Variants in B3GALT5 observed in about 807,000 individuals in gnomAD.
The protein encoded by B3GALT5 is beta-1,3-galactosyltransferase 5.
For synonymous variants in B3GALT5, 156 were observed against 158.6 expected, an observed-to-expected ratio of 0.98 and a Z score of 0.12; for missense variants, 328 against 396.6, an observed-to-expected ratio of 0.83 and a Z score of 1.47.
intron 1 of B3GALT5, among the ~76,000 whole-genome samples, chr21:39,628,611 T>C (rs1377575639): frequency 6.6e-6 from 1 of 152,238 alleles, no homozygotes; most frequent in Non-Finnish European, 1.5e-5. Context: ...TACACAACCA[T>C]GTCAGTGCTG....
At chr21:39,655,923 T>C (rs1031870885) in intron 2 of B3GALT5, among the ~76,000 whole-genome samples, 9 of 152,190 alleles carry the variant, frequency 5.9e-5, no homozygotes, top group African/African-American at 2.2e-4. Context: ...TTTCAGTCTG[T>C]ACAACGAATC....
intron 1 of B3GALT5, among the ~76,000 whole-genome samples, chr21:39,627,305 G>A (rs931275219): frequency 6.6e-6 from 1 of 152,172 alleles, no homozygotes; most frequent in South Asian, 2.1e-4. Flanking sequence ...TGCAGACTTT[G>A]GGGTGCATCA....
chr21:39,647,492 C>T (rs1189956187), intron 2 of B3GALT5, among the ~76,000 whole-genome samples: 1 of 152,044 alleles, frequency 6.6e-6, no homozygotes, highest in African/African-American at 2.4e-5. Flanking sequence ...GTGTGTGCCA[C>T]CATGCCCGGG....
rs1321657461 is a variant in B3GALT5, at chr21:39,666,390, C to T, written c.*4898C>T. 4 of 152,266 alleles carry T rather than the reference C, an allele frequency of 2.6e-5. No homozygotes were observed. The highest frequency in any genetic ancestry group is 7.2e-5 in the African/African-American group (3 of 41,438). 9.4% of individuals were successfully genotyped at this position (152,266 alleles called of 1,614,324 possible). A position where few individuals can be genotyped will look rare whatever the true frequency, so the allele number is the denominator to read the frequency against. The stretch of plus-strand genomic sequence containing the variant: ...TGCAGTCTTGGATCACTGCAACCTC[C>T]ACCTCCTGGGTTCTTGTGCCTCAGC... On this transcript the variant is annotated 3_prime_UTR_variant, in exon 4 of 4. Coordinates refer to ENST00000684187, the MANE Select transcript of B3GALT5 (RefSeq NM_001356336.2).
chr21:39,661,059 C>A lies in B3GALT5; in HGVS notation c.500C>A (p.Thr167Asn), dbSNP rs544780257. Residue 167 changes from threonine to asparagine, a missense_variant, in exon 4 of 4, where the codon ACT (threonine) becomes AAT (asparagine). By Grantham distance (65) the Thr-to-Asn change is moderately conservative. Coordinates refer to ENST00000684187, the MANE Select transcript of B3GALT5 (RefSeq NM_001356336.2). This position sits in a 1 kb window ranked among gnomAD's most constrained non-coding sequence, Gnocchi z 4.7. ...ATGTTCATCAATGTTGACTATCTGACTGAACTGCTTCTGAAGAAAAACAGA... is the reference window on the plus strand; with the variant it reads ...ATGTTCATCAATGTTGACTATCTGAATGAACTGCTTCTGAAGAAAAACAGA... Reference protein sequence around the residue: ...SDMFINVDYLTELLLKKNRTT... With the variant: ...SDMFINVDYLNELLLKKNRTT... 3 of 1,614,202 alleles carry A rather than the reference C, an allele frequency of 1.9e-6. No individual in the cohort carries two copies. In the South Asian group the frequency reaches 3.3e-5, roughly 18 times the overall value.
Position 39,661,081 on chromosome 21 carries a change from C to T in B3GALT5, c.522C>T (p.Asn174=). The change falls in exon 4 of 4, where the codon AAC becomes AAT. Residue 174 remains asparagine, a synonymous_variant. Coordinates refer to ENST00000684187, the MANE Select transcript of B3GALT5 (RefSeq NM_001356336.2). The surrounding 1 kb of genome is among the most constrained non-coding windows in gnomAD (Gnocchi z 4.7). ...TGACTGAACTGCTTCTGAAGAAAAA[C>T]AGAACAACCAGGTTTTTCACTGGCT... The part of the protein sequence containing the change: ...DYLTELLLKK[N]RTTRFFTGFL... 6.2e-7 allele frequency: 1 copy of T among 1,614,168 alleles called. No homozygotes were observed. Among genetic ancestry groups the T allele is most frequent in the Non-Finnish European group, 8.5e-7 (1 of 1,180,028 alleles).
chr21:39,648,662 G>T (rs577446673), intron 2 of B3GALT5, among the ~76,000 whole-genome samples: 1 of 152,168 alleles, frequency 6.6e-6, no homozygotes, highest in Non-Finnish European at 1.5e-5. Context: ...TATACAGCAG[G>T]TGCTCAATAA....
At position 39,661,538 on chromosome 21, in the gene B3GALT5, G is replaced by A. The variant is rs558391794; in HGVS notation, c.*46G>A. On this transcript the variant is annotated 3_prime_UTR_variant, in exon 4 of 4. Coordinates refer to ENST00000684187, the MANE Select transcript of B3GALT5 (RefSeq NM_001356336.2). This position sits in a 1 kb window ranked among gnomAD's most constrained non-coding sequence, Gnocchi z 4.7. ...CGGACAAGTTTCAGATAACCCGTGG[G>A]GATAGTTTTTGCTAGATTTTGGAAG... 6 of 1,466,138 alleles carry A rather than the reference G, an allele frequency of 4.1e-6. No homozygotes were observed. In the African/African-American group the frequency reaches 5.6e-5, roughly 14 times the overall value. The allele number at this position is 1,466,138 out of a possible 1,614,324, so 90.8% of individuals were successfully genotyped here.
chr21:39,655,080 G>C (rs1248132106), intron 2 of B3GALT5, among the ~76,000 whole-genome samples: 1 of 152,214 alleles, frequency 6.6e-6, no homozygotes, highest in Non-Finnish European at 1.5e-5. Context: ...AAAGTCCCAA[G>C]ATCTGCAGTC....
At chr21:39,643,080 T>A (rs918126226) in intron 1 of B3GALT5, among the ~76,000 whole-genome samples, 1 of 150,246 alleles carries the variant, frequency 6.7e-6, no homozygotes, top group Non-Finnish European at 1.5e-5. Flanking sequence ...GTAAATGTTC[T>A]TTACTAATGG....
intron 1 of B3GALT5, among the ~76,000 whole-genome samples, chr21:39,626,937 T>TA (rs1438194071): frequency 6.6e-6 from 1 of 152,234 alleles, no homozygotes; most frequent in African/African-American, 2.4e-5. Flanking sequence ...CATCATTTCT[T>TA]ACGTTCCTCG....
At chr21:39,635,390 T>C (rs1185606004) in intron 1 of B3GALT5, among the ~76,000 whole-genome samples, 2 of 152,204 alleles carry the variant, frequency 1.3e-5, no homozygotes, top group Non-Finnish European at 2.9e-5. Flanking sequence ...TATTAACAAA[T>C]CACGGATGCG....
rs1053334287 is a variant in B3GALT5, at chr21:39,668,305, C to G, written c.*6813C>G. ...TAGTAGATCTTGGTACCAGGCCAGC[C>G]TCTGTGACCTGAGACTCCAAGACCA... On this transcript the variant is annotated 3_prime_UTR_variant, in exon 4 of 4. Transcript: ENST00000684187. 13 of 152,250 alleles carry G rather than the reference C, an allele frequency of 8.5e-5. No individual in the cohort carries two copies. The highest frequency in any genetic ancestry group is 3.1e-4 in the African/African-American group (13 of 41,458). The allele number at this position is 152,250 out of a possible 1,614,324, so 9.4% of individuals were successfully genotyped here. A position where few individuals can be genotyped will look rare whatever the true frequency, so the allele number is the denominator to read the frequency against.
chr21:39,655,341 C>T (rs965529408), intron 2 of B3GALT5, among the ~76,000 whole-genome samples: 8 of 152,244 alleles, frequency 5.3e-5, no homozygotes, highest in Admixed American at 6.5e-5. Flanking sequence ...GAAAAGCTGG[C>T]ACATAACATT....
In B3GALT5 at chr21:39,661,425, C is replaced by T. The variant is rs372024763; in HGVS notation, c.866C>T (p.Pro289Leu). Residue 289 changes from proline (P) to leucine (L), a missense_variant, in exon 4 of 4, where the codon CCT becomes CTT. By Grantham distance (98) the Pro-to-Leu change is moderately conservative. Transcript: ENST00000684187. This position sits in a 1 kb window ranked among gnomAD's most constrained non-coding sequence, Gnocchi z 4.7. ...ATCGTGGCCTGCCACTTCATCAAGC[C>T]TCGGACTCTCTTGGACTACTGGCAG... ...RRIVACHFIK[P>L]RTLLDYWQAL... 53 of 1,551,446 alleles carry T rather than the reference C, an allele frequency of 3.4e-5. No individual in the cohort carries two copies. The highest frequency in any genetic ancestry group is 4.3e-5 in the Non-Finnish European group (50 of 1,151,052).
At position 39,660,724 on chromosome 21, in the gene B3GALT5, AC is replaced by A. The variant is rs1438784463; in HGVS notation, c.167del (p.Pro56LeufsTer8). The A allele has an allele frequency of 6.4e-7, 1 of 1,551,840 alleles. No individual in the cohort carries two copies. Among genetic ancestry groups the A allele is most frequent in the Non-Finnish European group, 8.7e-7 (1 of 1,151,964 alleles). ...KLPDTDCRQT[P>X]PFLVLLVTSS... ...TCCCAGATACAGACTGCAGGCAGAC[AC>A]CTCCCTTCCTCGTCCTGCTGGTGAC... On this transcript the variant is annotated frameshift_variant, in exon 4 of 4. Transcript: ENST00000684187. LOFTEE classifies it low-confidence loss of function (END_TRUNC).
At chr21:39,615,837 T>C (rs2079104756) in intron 1 of B3GALT5, among the ~76,000 whole-genome samples, 1 of 152,234 alleles carries the variant, frequency 6.6e-6, no homozygotes, top group Non-Finnish European at 1.5e-5. Context: ...ATTGTTGTTA[T>C]TATGACTTCT....
chr21:39,667,658 AG>A lies in B3GALT5; in HGVS notation c.*6168del, dbSNP rs1258431530. 1 of 152,234 alleles carries A rather than the reference AG, an allele frequency of 6.6e-6. No individual in the cohort carries two copies. Among genetic ancestry groups the A allele is most frequent in the Non-Finnish European group, 1.5e-5 (1 of 68,042 alleles). 9.4% of individuals were successfully genotyped at this position (152,234 alleles called of 1,614,324 possible). On this transcript the variant is annotated 3_prime_UTR_variant, in exon 4 of 4. Transcript: ENST00000684187. ...CAGAGCCTCCAGCTTCCATGGTGGC[AG>A]GAGCCATGGAAAATAGAGACCCACC...
At chr21:39,629,437 T>C (rs972387591) in intron 1 of B3GALT5, among the ~76,000 whole-genome samples, 2 of 152,238 alleles carry the variant, frequency 1.3e-5, no homozygotes, top group Admixed American at 6.5e-5. Flanking sequence ...AGAGTGTGAG[T>C]GCATAGTGCA....
Sources: gnomAD v4.1 joint callset for allele counts (sites outside exome capture counted in the v4.1 genomes callset) on GRCh38, gnomAD v4.1.1 for gene constraint, Gnocchi (gnomAD v3.1) non-coding constraint, MANE v1.5 for transcripts, NCBI Gene and HGNC (gene_info 2026-07-23, HGNC 2026-07-21) for gene names.